ATM: variants seen among roughly 807,000 people sequenced by gnomAD.
ATM encodes the protein serine-protein kinase ATM.
A neutral mutation model predicts 387.0 loss-of-function variants in ATM; 308 were observed. That is an observed-to-expected ratio of 0.80 (90% CI 0.73 to 0.87). ATM has a LOEUF of 0.87. Among genes scored for constraint, ATM ranks in the 40% least tolerant of loss-of-function variants. The pLI is 0.00. For missense variants in ATM, 3,312 were observed against 3,560.9 expected, an observed-to-expected ratio of 0.93 and a Z score of 1.78; for synonymous variants, 1,156 against 1,187.3, an observed-to-expected ratio of 0.97 and a Z score of 0.54.
chr11:108,231,736 C>G (rs1340265658), intron 4 of ATM: 1 of 151,084 alleles, frequency 6.6e-6, no homozygotes, highest in Non-Finnish European at 1.5e-5. Context: ...GGAAAGCCCC[C>G]AAATTGGTAA....
intron 20 of ATM, 150 bp downstream of exon 20, chr11:108,271,556 C>A: frequency 9.5e-7 from 1 of 1,048,698 alleles, no homozygotes; most frequent in Non-Finnish European, 1.4e-6. Context: ...GTGTTTCCCT[C>A]AGTCGCTTGA....
At chr11:108,353,902 A>C in intron 60 of ATM, 22 bp downstream of exon 60, 1 of 1,594,540 alleles carries the variant, frequency 6.3e-7, no homozygotes, top group East Asian at 2.2e-5. Context: ...GAAGTAAAGG[A>C]GGGAAATAAT....
chr11:108,327,402 A>G (rs1286462474), intron 47 of ATM: 5 of 451,450 alleles, frequency 1.1e-5, no homozygotes, highest in African/African-American at 2.0e-5. Context: ...TCTGACATAT[A>G]TAAGTACTCA....
rs1238192899 is a variant in ATM, at chr11:108,367,767, G to C, written c.*2259G>C. ...GAACTTTTTGGACTATAAATTTCTT[G>C]GTTTGACTTCTGGAGAACTGTTCAG... is the stretch of plus-strand genomic sequence containing the variant. On this transcript the variant is annotated 3_prime_UTR_variant, in exon 63 of 63. Coordinates refer to ENST00000675843, the MANE Select transcript of ATM (RefSeq NM_000051.4). The C allele has an allele frequency of 4.6e-6, 1 of 216,208 alleles. No individual in the cohort carries two copies. The highest frequency in any genetic ancestry group is 2.3e-5 in the African/African-American group (1 of 44,370). 13.4% of individuals were successfully genotyped at this position (216,208 alleles called of 1,614,324 possible).
At chr11:108,270,988 C>A in intron 18 of ATM, 76 bp from the exon 19 acceptor site, 1 of 1,276,856 alleles carries the variant, frequency 7.8e-7, no homozygotes, top group South Asian at 1.2e-5. Context: ...GCCACTGCAC[C>A]CGGCCTATGT....
chr11:108,257,684 G>C (rs757663560), intron 15 of ATM, 78 bp downstream of exon 15: 1 of 1,410,916 alleles, frequency 7.1e-7, no homozygotes, highest in Non-Finnish European at 9.8e-7. Flanking sequence ...CAGTGGGATT[G>C]TCACAACTCA....
At position 108,343,289 on chromosome 11, in the gene ATM, T is replaced by C. The variant is rs876660461; in HGVS notation, c.8336T>C (p.Phe2779Ser). 1 of 1,614,042 alleles carries C rather than the reference T, an allele frequency of 6.2e-7. No homozygotes were observed. The highest frequency in any genetic ancestry group is 8.5e-7 in the Non-Finnish European group (1 of 1,179,924). Reference protein sequence around the residue: ...WCTGTVPIGEFLVNNEDGAHK... With the variant: ...WCTGTVPIGESLVNNEDGAHK... ...ACAGGAACTGTCCCCATTGGTGAAT[T>C]TCTTGTTAACAATGAAGATGGTGCT... The change falls in exon 57 of 63, where the codon TTT becomes TCT. Residue 2779 changes from phenylalanine (F) to serine (S), a missense_variant. Around this residue, in one of 4 missense-constraint regions of ATM, gnomAD observed 1,405 missense variants for 1,604.4 expected, o/e 0.88. Coordinates refer to ENST00000675843, the MANE Select transcript of ATM (RefSeq NM_000051.4).
At chr11:108,364,965 C>A (rs2091178014) in intron 61 of ATM, 117 bp from the exon 62 acceptor site, 3 of 1,156,030 alleles carry the variant, frequency 2.6e-6, no homozygotes, top group Admixed American at 2.0e-5. Flanking sequence ...ATGTTTGTTC[C>A]CCTCCCCCAT....
At chr11:108,334,047 T>G in intron 54 of ATM, 79 bp downstream of exon 54, 1 of 1,172,134 alleles carries the variant, frequency 8.5e-7, no homozygotes. Context: ...AGTATTTTTA[T>G]GTAGGTCAAA....
intron 39 of ATM, among the ~76,000 whole-genome samples, chr11:108,310,945 A>AT (rs2084104215): frequency 1.3e-5 from 2 of 152,172 alleles, no homozygotes; most frequent in Non-Finnish European, 2.9e-5. Context: ...AAAACACTTT[A>AT]TTATCCCAAC....
In ATM at chr11:108,235,795, A is replaced by G. The variant is rs1555059438; in HGVS notation, c.457A>G (p.Arg153Gly). The stretch of plus-strand genomic sequence containing the variant: ...ACTACTCAAAGACATTCTTTCTGTG[A>G]GAAAATACTGGTGTGAAATATCTCA... ...NILLKDILSVRKYWCEISQQQ... is the reference protein window; with the variant it reads ...NILLKDILSVGKYWCEISQQQ... The change falls in exon 5 of 63, where the codon AGA (arginine) becomes GGA (glycine). Residue 153 changes from arginine to glycine, a missense_variant. Arg to Gly is a moderately radical substitution (Grantham distance 125, BLOSUM62 -2). This residue lies in a region of ATM where 1,791 missense variants were observed against 1,804.5 expected (regional missense o/e 0.99). Coordinates refer to ENST00000675843, the MANE Select transcript of ATM (RefSeq NM_000051.4). 1 of 1,613,924 alleles carries G rather than the reference A, an allele frequency of 6.2e-7. No homozygotes were observed.
intron 61 of ATM, among the ~76,000 whole-genome samples, chr11:108,362,260 C>T (rs2090857139): frequency 6.7e-6 from 1 of 149,734 alleles, no homozygotes; most frequent in African/African-American, 2.4e-5. Flanking sequence ...TACCATCTCA[C>T]ACCAGTTAGA....
chr11:108,337,081 G>C (rs1370210845), intron 56 of ATM, among the ~76,000 whole-genome samples: 2 of 151,934 alleles, frequency 1.3e-5, no homozygotes, highest in Non-Finnish European at 2.9e-5. Flanking sequence ...CCCTAAATAG[G>C]GGAGTGAAGA....
chr11:108,280,933 T>G, intron 23 of ATM, 62 bp from the exon 24 acceptor site: 1 of 1,484,490 alleles, frequency 6.7e-7, no homozygotes, highest in East Asian at 2.4e-5. Flanking sequence ...AGTTGGGATT[T>G]TATAATTGAT....
intron 16 of ATM, among the ~76,000 whole-genome samples, chr11:108,266,334 A>C (rs2081236329): frequency 1.3e-5 from 2 of 152,042 alleles, no homozygotes; most frequent in Admixed American, 1.3e-4. Flanking sequence ...GTCCTTTGTT[A>C]GGGACATGGA....
At chr11:108,328,291 A>G (rs2085889890) in intron 48 of ATM, among the ~76,000 whole-genome samples, 1 of 152,086 alleles carries the variant, frequency 6.6e-6, no homozygotes, top group South Asian at 2.1e-4. Flanking sequence ...CTGTCGCCCA[A>G]GCTGGAGTGC....
chr11:108,327,965 T>G (rs1229389732), intron 48 of ATM, among the ~76,000 whole-genome samples: 1 of 152,198 alleles, frequency 6.6e-6, no homozygotes, highest in South Asian at 2.1e-4. Context: ...AGCCCAAGTA[T>G]AGTATCTCTT....
At chr11:108,257,234 T>A (rs2080551951) in intron 14 of ATM, among the ~76,000 whole-genome samples, 1 of 152,318 alleles carries the variant, frequency 6.6e-6, no homozygotes, top group East Asian at 1.9e-4. Context: ...TTCTTATCTC[T>A]TGGTAGTACT....
intron 4 of ATM, among the ~76,000 whole-genome samples, chr11:108,233,420 T>A (rs549208984): frequency 3.3e-5 from 5 of 151,848 alleles, no homozygotes; most frequent in African/African-American, 1.2e-4. Flanking sequence ...AACACAAAAA[T>A]TAGCCAGGTG....
Sources: allele counts gnomAD v4.1 joint callset (sites outside exome capture counted in the v4.1 genomes callset), GRCh38; gene constraint gnomAD v4.1.1; regional missense constraint gnomAD v4.1.1; transcripts MANE v1.5; gene names NCBI Gene and HGNC (gene_info 2026-07-23, HGNC 2026-07-21).